RASEF: variants seen among roughly 807,000 people sequenced by gnomAD.
The protein encoded by RASEF is ras and EF-hand domain-containing protein.
A neutral mutation model predicts 90.1 loss-of-function variants in RASEF; 68 were observed. That is an observed-to-expected ratio of 0.75 (90% confidence interval 0.62 to 0.92). RASEF has a LOEUF of 0.92. Ranked by LOEUF, RASEF falls within the 40% of genes least tolerant of loss-of-function variation. The probability of loss-of-function intolerance (pLI) is 0.00; values close to 1 mark genes in which losing one functional copy is unlikely to be tolerated. For missense variants in RASEF, 949 were observed against 937.2 expected (o/e 1.01, Z -0.16); for synonymous variants, 331 against 345.2 (o/e 0.96, Z 0.46).
chr9:83,148,318 G>A, the RASEF span, among the ~76,000 whole-genome samples: 1 of 152,216 alleles, frequency 6.6e-6, no homozygotes, highest in African/African-American at 2.4e-5. Context: ...CTAATTCCCA[G>A]TGCCCCAGCA....
intron 14 of RASEF, among the ~76,000 whole-genome samples, chr9:82,995,939 T>C (rs1490798741): frequency 6.6e-6 from 1 of 152,224 alleles, no homozygotes; most frequent in Non-Finnish European, 1.5e-5. Context: ...TCTTATTTCA[T>C]TTCTCAGATG....
chr9:83,154,574 C>T, the RASEF span, among the ~76,000 whole-genome samples: 1 of 152,178 alleles, frequency 6.6e-6, no homozygotes, highest in Non-Finnish European at 1.5e-5. Flanking sequence ...CTGAGTGCAC[C>T]TGATGGCCTT....
At chr9:83,099,338 C>G in the RASEF span, among the ~76,000 whole-genome samples, 552 of 152,194 alleles carry the variant, frequency 3.6e-3, 2 homozygotes, top group Middle Eastern at 0.01. Flanking sequence ...TATTGAAAAG[C>G]TTGGCATTCA....
the RASEF span, among the ~76,000 whole-genome samples, chr9:83,087,436 T>TCTCTCTCTCTCTCA: frequency 1.3e-5 from 2 of 151,622 alleles, no homozygotes; most frequent in African/African-American, 2.4e-5. Context: ...TCTCTCTCTC[T>TCTCTCTCTCTCTCA]CTCTGTCTCT....
intron 3 of RASEF, among the ~76,000 whole-genome samples, chr9:83,020,381 G>A (rs2118551208): frequency 6.6e-6 from 1 of 152,342 alleles, no homozygotes; most frequent in East Asian, 1.9e-4. Flanking sequence ...GCCGAGGGGA[G>A]CCATGTGGAA....
intron 1 of RASEF, among the ~76,000 whole-genome samples, chr9:83,033,964 CAT>C (rs1436488393): frequency 2.0e-5 from 3 of 152,076 alleles, no homozygotes; most frequent in Non-Finnish European, 4.4e-5. Flanking sequence ...CTTTTTCTCC[CAT>C]ATGAGTTAAA....
In RASEF at chr9:83,022,416, T is replaced by C; in HGVS notation, c.589A>G (p.Lys197Glu). ...AACTCACTCAACTGCATAGCTGCCTTGTCCTGGGCTCTGAAATTCAAAAGG... is the reference window on the plus strand; with the variant it reads ...AACTCACTCAACTGCATAGCTGCCTCGTCCTGGGCTCTGAAATTCAAAAGG... ...LAIAVKRAQD[K>E]AAMQLSELEE... The change falls in exon 3 of 17, where the codon AAG becomes GAG. Residue 197 changes from lysine (K) to glutamate (E), a missense_variant. This residue lies in a region of RASEF where 656 missense variants were observed against 592.2 expected (regional missense o/e 1.11). Transcript: ENST00000376447. 1.9e-6 allele frequency: 3 copies of C among 1,613,664 alleles called. No homozygotes were observed. Among genetic ancestry groups the C allele is most frequent in the Non-Finnish European group, 1.7e-6 (2 of 1,179,596 alleles).
At chr9:83,063,190 A>G (rs144028337), upstream of RASEF, 2,438 of 324,466 alleles carry the variant, frequency 7.5e-3, 44 homozygotes, top group African/African-American at 0.049. Flanking sequence ...CGGCGGGTGC[A>G]GCTCCGCCCA....
the RASEF span, among the ~76,000 whole-genome samples, chr9:83,176,629 T>C: frequency 6.6e-6 from 1 of 152,062 alleles, no homozygotes; most frequent in Non-Finnish European, 1.5e-5. Context: ...CATTATTTTC[T>C]CACTATATTT....
At chr9:83,191,038 C>G in the RASEF span, among the ~76,000 whole-genome samples, 1 of 152,100 alleles carries the variant, frequency 6.6e-6, no homozygotes, top group African/African-American at 2.4e-5. Context: ...TCTTTAGAGA[C>G]ATTCTTACAA....
At chr9:83,196,355 T>G in the RASEF span, among the ~76,000 whole-genome samples, 1 of 152,120 alleles carries the variant, frequency 6.6e-6, no homozygotes, top group African/African-American at 2.4e-5. Flanking sequence ...GGCTGTCATG[T>G]AGGTCTTAGA....
At chr9:83,104,857 T>A in the RASEF span, among the ~76,000 whole-genome samples, 1 of 152,208 alleles carries the variant, frequency 6.6e-6, no homozygotes, top group Non-Finnish European at 1.5e-5. Flanking sequence ...TATCCAAAAG[T>A]GTGAAATACG....
chr9:83,188,497 T>G, the RASEF span, among the ~76,000 whole-genome samples: 35 of 152,218 alleles, frequency 2.3e-4, no homozygotes, highest in African/African-American at 8.2e-4. Flanking sequence ...AATATGCAAA[T>G]CCATATTTCA....
At chr9:83,015,166 TA>T (rs1436371723) in intron 4 of RASEF, among the ~76,000 whole-genome samples, 2 of 152,096 alleles carry the variant, frequency 1.3e-5, no homozygotes, top group Admixed American at 1.3e-4. Context: ...TGCAATAAGC[TA>T]GGGGTAGGGA....
At chr9:83,158,518 C>A in the RASEF span, among the ~76,000 whole-genome samples, 2 of 150,298 alleles carry the variant, frequency 1.3e-5, no homozygotes, top group African/African-American at 4.9e-5. Context: ...TAGACATTCA[C>A]ATTGTCAAGC....
At chr9:83,123,237 CA>C in the RASEF span, among the ~76,000 whole-genome samples, 92 of 83,410 alleles carry the variant, frequency 1.1e-3, no homozygotes, top group African/African-American at 1.4e-3. Context: ...GAGACTCCAT[CA>C]AAAAAAAAAA....
At chr9:83,196,771 C>A in the RASEF span, among the ~76,000 whole-genome samples, 4 of 152,146 alleles carry the variant, frequency 2.6e-5, no homozygotes, top group South Asian at 8.3e-4. Flanking sequence ...TATTGACTCC[C>A]TAAATTTCCC....
intron 9 of RASEF, among the ~76,000 whole-genome samples, chr9:83,003,323 G>C (rs973546832): frequency 2.0e-5 from 3 of 152,144 alleles, no homozygotes; most frequent in African/African-American, 7.2e-5. Flanking sequence ...CAAACATGCT[G>C]GGGACGTGAT....
the RASEF span, among the ~76,000 whole-genome samples, chr9:83,171,352 C>T: frequency 6.6e-6 from 1 of 151,796 alleles, no homozygotes; most frequent in Non-Finnish European, 1.5e-5. Flanking sequence ...AAGATTTTTG[C>T]AACTATGTTC....
Sources: allele counts gnomAD v4.1 joint callset (sites outside exome capture counted in the v4.1 genomes callset), GRCh38; gene constraint gnomAD v4.1.1; regional missense constraint gnomAD v4.1.1; transcripts MANE v1.5; gene names NCBI Gene and HGNC (gene_info 2026-07-23, HGNC 2026-07-21).